Variants in GNAT3 observed in about 807,000 individuals in gnomAD.
The protein encoded by GNAT3 is G protein subunit alpha transducin 3, also known as guanine nucleotide-binding protein G(t) subunit alpha-3.
GNAT3 carries 31 observed loss-of-function variants against 37.7 expected under a neutral mutation model. That is an observed-to-expected ratio of 0.82 (90% confidence interval 0.62 to 1.11). The LOEUF (loss-of-function observed/expected upper bound fraction) is 1.11, where lower values mean the gene tolerates loss of function less well. GNAT3 is among the 50% of genes most tolerant of loss of function. The pLI, the probability that GNAT3 is intolerant of heterozygous loss-of-function variation, is 0.00. For missense variants in GNAT3, 437 were observed against 412.5 expected (o/e 1.06, Z -0.51); for synonymous variants, 138 against 139.8 (o/e 0.99, Z 0.09).
intron 4 of GNAT3, among the ~76,000 whole-genome samples, chr7:80,476,638 T>A (rs1022781248): frequency 7.2e-5 from 11 of 151,818 alleles, no homozygotes; most frequent in Non-Finnish European, 1.0e-4. Flanking sequence ...ACAAGAAGTA[T>A]CTTACTTTTA....
At chr7:80,500,083 T>C (rs1203364281) in intron 1 of GNAT3, among the ~76,000 whole-genome samples, 1 of 152,158 alleles carries the variant, frequency 6.6e-6, no homozygotes, top group Non-Finnish European at 1.5e-5. Flanking sequence ...AGCCAATGTC[T>C]TTCCGAAATG....
chr7:80,504,300 G>T (rs1028986300), intron 1 of GNAT3, among the ~76,000 whole-genome samples: 1 of 151,896 alleles, frequency 6.6e-6, no homozygotes, highest in African/African-American at 2.4e-5. Flanking sequence ...TGGGTGAAAA[G>T]ACCCTGTCTT....
intron 3 of GNAT3, among the ~76,000 whole-genome samples, chr7:80,481,477 ATCTT>A (rs1172329500): frequency 1.1e-4 from 17 of 152,212 alleles, no homozygotes; most frequent in Non-Finnish European, 2.4e-4. Context: ...ATAAAACAGA[ATCTT>A]TATAGCAATA....
At position 80,474,298 on chromosome 7, in the gene GNAT3, C is replaced by A. The variant is rs201932308; in HGVS notation, c.543G>T (p.Thr181=). The change falls in exon 5 of 8, where the codon ACG becomes ACT. Residue 181 remains threonine, a synonymous_variant. Transcript: ENST00000398291. ...AGAATTGAGTTTCAATGATTCCAGT[C>A]GTTTTCACTCGAGAATGGAGAACAT... ...EQDVLHSRVK[T]TGIIETQFSF... is the part of the protein sequence containing the mutation. 1.9e-6 allele frequency: 3 copies of A among 1,589,116 alleles called. No homozygotes were observed. The highest frequency in any genetic ancestry group is 2.3e-5 in the South Asian group (2 of 87,608).
At chr7:80,461,475 C>A (rs1043515867) in intron 7 of GNAT3, among the ~76,000 whole-genome samples, 31 of 151,852 alleles carry the variant, frequency 2.0e-4, no homozygotes, top group African/African-American at 6.8e-4. Flanking sequence ...TTTGAACCCA[C>A]GAGGCAAAGG....
intron 7 of GNAT3, among the ~76,000 whole-genome samples, chr7:80,461,102 T>A (rs1056251216): frequency 2.6e-5 from 4 of 151,348 alleles, no homozygotes; most frequent in Admixed American, 1.3e-4. Context: ...TATGAATATA[T>A]TATAAATATT....
At chr7:80,491,528 G>T (rs983997801) in intron 2 of GNAT3, among the ~76,000 whole-genome samples, 7 of 152,074 alleles carry the variant, frequency 4.6e-5, no homozygotes, top group Admixed American at 3.3e-4. Context: ...GTACAGTAGA[G>T]ACACTAACAT....
At chr7:80,465,845 G>A (rs527426033) in intron 5 of GNAT3, among the ~76,000 whole-genome samples, 1 of 152,086 alleles carries the variant, frequency 6.6e-6, no homozygotes, top group African/African-American at 2.4e-5. Flanking sequence ...GTACATATAG[G>A]CTCCATTTGG....
At chr7:80,479,141 G>A in intron 3 of GNAT3, 143 bp from the exon 4 acceptor site, 1 of 626,510 alleles carries the variant, frequency 1.6e-6, no homozygotes, top group Non-Finnish European at 2.6e-6. Flanking sequence ...ACTATATTGA[G>A]GTAAATAGAA....
intron 1 of GNAT3, among the ~76,000 whole-genome samples, chr7:80,510,543 A>G (rs1416286747): frequency 6.6e-6 from 1 of 151,936 alleles, no homozygotes; most frequent in Non-Finnish European, 1.5e-5. Flanking sequence ...TATTACTTTC[A>G]CTCTTGCTCA....
intron 5 of GNAT3, among the ~76,000 whole-genome samples, chr7:80,465,869 T>C (rs972651120): frequency 2.0e-4 from 30 of 152,140 alleles, no homozygotes; most frequent in African/African-American, 6.8e-4. Flanking sequence ...TATATGAATA[T>C]ATTGTGGATC....
At chr7:80,502,542 CT>C (rs1316429136) in intron 1 of GNAT3, among the ~76,000 whole-genome samples, 2 of 151,874 alleles carry the variant, frequency 1.3e-5, no homozygotes, top group Admixed American at 6.6e-5. Context: ...TTAAAAAGGC[CT>C]TGGTTAATCA....
chr7:80,483,933 T>TTCTC (rs374696968), intron 3 of GNAT3, among the ~76,000 whole-genome samples: 1 of 151,530 alleles, frequency 6.6e-6, no homozygotes, highest in African/African-American at 2.4e-5. Flanking sequence ...GAATGGCTCA[T>TTCTC]TCTCTCTCTC....
At chr7:80,463,172 A>G (rs762292193) in intron 5 of GNAT3, among the ~76,000 whole-genome samples, 3 of 152,172 alleles carry the variant, frequency 2.0e-5, no homozygotes, top group South Asian at 2.1e-4. Context: ...AGAGAAAAAA[A>G]CAAATAAGTT....
intron 3 of GNAT3, among the ~76,000 whole-genome samples, chr7:80,484,590 T>A (rs1364456232): frequency 1.3e-5 from 2 of 152,122 alleles, no homozygotes; most frequent in Non-Finnish European, 2.9e-5. Context: ...GTGGATTCTA[T>A]ATGCTCCAAA....
At chr7:80,473,283 G>A (rs6966209) in intron 5 of GNAT3, among the ~76,000 whole-genome samples, 8,159 of 152,028 alleles carry the variant, frequency 0.054, 646 homozygotes, top group African/African-American at 0.18. Flanking sequence ...GAGTTTTTCC[G>A]TATTAGTTGA....
intron 5 of GNAT3, 66 bp from the exon 6 acceptor site, chr7:80,462,697 A>T: frequency 7.5e-7 from 1 of 1,331,302 alleles, no homozygotes; most frequent in Non-Finnish European, 1.1e-6. Context: ...ATTGAGGTTA[A>T]CATTTAGAGG....
intron 1 of GNAT3, among the ~76,000 whole-genome samples, chr7:80,506,810 T>C (rs1000259633): frequency 6.6e-6 from 1 of 152,154 alleles, no homozygotes; most frequent in African/African-American, 2.4e-5. Flanking sequence ...GAAATATATA[T>C]ACATTGTGAA....
At chr7:80,510,890 G>A (rs1278246805) in intron 1 of GNAT3, among the ~76,000 whole-genome samples, 1 of 152,150 alleles carries the variant, frequency 6.6e-6, no homozygotes, top group Non-Finnish European at 1.5e-5. Context: ...AATTTGTTAT[G>A]TGAAATATGC....
Sources: allele counts gnomAD v4.1 joint callset (sites outside exome capture counted in the v4.1 genomes callset), GRCh38; gene constraint gnomAD v4.1.1; transcripts MANE v1.5; gene names NCBI Gene and HGNC (gene_info 2026-07-23, HGNC 2026-07-21).